The following EFNA5 variants were observed in gnomAD, a reference collection of about 807,000 sequenced individuals.
The protein encoded by EFNA5 is ephrin A5, also known as ephrin-A5.
EFNA5 carries 5 observed loss-of-function variants against 22.9 expected under a neutral mutation model. The observed-to-expected ratio is 0.22, with a 90% CI of 0.11 to 0.46. The LOEUF (loss-of-function observed/expected upper bound fraction) is 0.46. Among genes scored for constraint, EFNA5 ranks in the 20% least tolerant of loss-of-function variants. EFNA5 has a pLI of 0.99. For synonymous variants in EFNA5, 113 were observed against 112.2 expected (o/e 1.01, Z -0.04); for missense variants, 237 against 293.3 (o/e 0.81, Z 1.40).
At chr5:107,537,439 C>T (rs972338021) in intron 1 of EFNA5, among the ~76,000 whole-genome samples, 1 of 151,232 alleles carries the variant, frequency 6.6e-6, no homozygotes, top group African/African-American at 2.4e-5. Flanking sequence ...TCTCTACTAA[C>T]AATATAAAAA....
intron 1 of EFNA5, among the ~76,000 whole-genome samples, chr5:107,664,128 T>C (rs970208832): frequency 1.3e-5 from 2 of 152,108 alleles, no homozygotes; most frequent in African/African-American, 4.8e-5. Flanking sequence ...AAACAAGAAT[T>C]TGCATCCACT....
intron 1 of EFNA5, among the ~76,000 whole-genome samples, chr5:107,578,017 G>A (rs963562028): frequency 4.6e-5 from 7 of 152,070 alleles, no homozygotes; most frequent in South Asian, 4.1e-4. Flanking sequence ...GATTTCTCTC[G>A]AATTCTCAAC....
At chr5:107,435,315 C>CTTTTTTTTTTTTTTTTTTTTTTTTTT (rs3999107) in intron 1 of EFNA5, among the ~76,000 whole-genome samples, 15 of 104,636 alleles carry the variant, frequency 1.4e-4, no homozygotes, top group African/African-American at 6.0e-4. Context: ...TGAAGATGCT[C>CTTTTTTTTTTTTTTTTTTTTTTTTTT]TTTTTTTTTT....
intron 1 of EFNA5, among the ~76,000 whole-genome samples, chr5:107,583,563 G>A (rs1475923631): frequency 3.9e-5 from 6 of 152,192 alleles, no homozygotes; most frequent in Admixed American, 2.0e-4. Context: ...TAAGAAGCAA[G>A]AGAGCAGTCT....
At chr5:107,417,871 TACA>T in intron 2 of EFNA5, among the ~76,000 whole-genome samples, 1 of 152,282 alleles carries the variant, frequency 6.6e-6, no homozygotes, top group East Asian at 1.9e-4. Flanking sequence ...AACCAAGAGT[TACA>T]TGACCATTTG....
intron 1 of EFNA5, among the ~76,000 whole-genome samples, chr5:107,432,352 A>G (rs1046447790): frequency 1.3e-5 from 2 of 152,240 alleles, no homozygotes; most frequent in Admixed American, 6.5e-5. Flanking sequence ...CTGCATGCCA[A>G]TATTTACAAA....
chr5:107,638,433 C>T (rs1750432314), intron 1 of EFNA5, among the ~76,000 whole-genome samples: 2 of 152,296 alleles, frequency 1.3e-5, no homozygotes, highest in Middle Eastern at 3.4e-3. Context: ...TATTATACAA[C>T]ATGGTGGCTA....
intron 1 of EFNA5, among the ~76,000 whole-genome samples, chr5:107,646,148 GAA>G (rs1359825230): frequency 6.6e-6 from 1 of 152,120 alleles, no homozygotes; most frequent in Non-Finnish European, 1.5e-5. Flanking sequence ...TAAGGTATAG[GAA>G]AAGAGTACGC....
intron 1 of EFNA5, among the ~76,000 whole-genome samples, chr5:107,618,844 A>T (rs17160261): frequency 0.17 from 26,230 of 152,096 alleles, 2,982 homozygotes; most frequent in South Asian, 0.42. Context: ...TTAGAAAACC[A>T]TCCTAACTCC....
chr5:107,538,392 T>C (rs1182461599), intron 1 of EFNA5, among the ~76,000 whole-genome samples: 2 of 152,236 alleles, frequency 1.3e-5, no homozygotes, highest in African/African-American at 4.8e-5. Flanking sequence ...TTCTGACAAG[T>C]ACAAAGCACT....
rs1473373079 is a variant in EFNA5 at position 107,670,671 on chromosome 5, C to CGGAG, written c.-62_-59dup. ...CCACTCCGGGGAGAGAGCGGGGATC[C>CGGAG]GGAGGGAGGGAGGCAGGCAAAGGGA... is the stretch of plus-strand genomic sequence containing the variant. On this transcript the variant is annotated 5_prime_UTR_variant, in exon 1 of 5. Transcript: ENST00000333274. 1 of 1,571,354 alleles carries CGGAG rather than the reference C, an allele frequency of 6.4e-7. No individual in the cohort carries two copies. Among genetic ancestry groups the CGGAG allele is most frequent in the South Asian group, 1.2e-5 (1 of 84,888 alleles).
rs144158077 is a variant in EFNA5 at position 107,530,179 on chromosome 5, T to C, written c.126-102670A>G. 5.3e-5 allele frequency among the ~76,000 whole-genome samples: 8 copies of C among 152,364 alleles called. 1 individual carries two copies. Among genetic ancestry groups the C allele is most frequent in the South Asian group, 2.1e-4 (1 of 4,834 alleles). On this transcript the variant is annotated intron_variant, in intron 1 of 4. Transcript: ENST00000333274. ...TCTTGCTCACACTGTACATCCACTG[T>C]AAGTCAGCAAGGGGCTCTGCTCATT... is the stretch of plus-strand genomic sequence containing the variant.
intron 2 of EFNA5, among the ~76,000 whole-genome samples, chr5:107,422,461 G>T (rs1012938846): frequency 1.3e-5 from 2 of 152,204 alleles, no homozygotes; most frequent in African/African-American, 4.8e-5. Flanking sequence ...TTTTTATATA[G>T]AGAGGTCAGA....
At chr5:107,467,831 T>C (rs1750032701) in intron 1 of EFNA5, among the ~76,000 whole-genome samples, 1 of 152,202 alleles carries the variant, frequency 6.6e-6, no homozygotes, top group South Asian at 2.1e-4. Flanking sequence ...TGACCCACTG[T>C]CCAAGGTCCT....
chr5:107,430,774 CTTTTTTTT>C (rs869266799), intron 1 of EFNA5, among the ~76,000 whole-genome samples: 8 of 20,292 alleles, frequency 3.9e-4, no homozygotes, highest in Admixed American at 2.8e-3. Flanking sequence ...TTCTTTCTTT[CTTTTTTTT>C]TTTTTTTTTT....
chr5:107,605,112 T>C (rs536442831), intron 1 of EFNA5, among the ~76,000 whole-genome samples: 4 of 149,144 alleles, frequency 2.7e-5, no homozygotes, highest in African/African-American at 7.4e-5. Context: ...GTGGGACAAA[T>C]TAGGTGCCGC....
chr5:107,412,829 T>C (rs1292448652), intron 2 of EFNA5, among the ~76,000 whole-genome samples: 2 of 152,134 alleles, frequency 1.3e-5, no homozygotes, highest in Non-Finnish European at 2.9e-5. Flanking sequence ...TATTTGGCCA[T>C]ATTTGATTCT....
At chr5:107,599,814 C>A (rs1037265383) in intron 1 of EFNA5, among the ~76,000 whole-genome samples, 1 of 152,188 alleles carries the variant, frequency 6.6e-6, no homozygotes, top group Admixed American at 6.5e-5. Context: ...TAGGAAGACT[C>A]CAGTGAGTTG....
intron 1 of EFNA5, among the ~76,000 whole-genome samples, chr5:107,467,112 A>G (rs1750008205): frequency 6.6e-6 from 1 of 152,274 alleles, no homozygotes; most frequent in Non-Finnish European, 1.5e-5. Flanking sequence ...TAAAAATCTA[A>G]AGGAATGATT....
Sources: gnomAD v4.1 joint callset for allele counts (sites outside exome capture counted in the v4.1 genomes callset) on GRCh38, gnomAD v4.1.1 for gene constraint, MANE v1.5 for transcripts, NCBI Gene and HGNC (gene_info 2026-07-23, HGNC 2026-07-21) for gene names.